BCAR3: variants seen among roughly 807,000 people sequenced by gnomAD.
BCAR3 encodes breast cancer anti-estrogen resistance protein 3.
BCAR3 carries 37 observed loss-of-function variants against 80.1 expected under a neutral mutation model. The observed-to-expected ratio is 0.46, with a 90% confidence interval of 0.36 to 0.61. BCAR3 has a LOEUF of 0.61. Ranked by LOEUF, BCAR3 falls within the 20% of genes least tolerant of loss-of-function variation. The pLI is 0.00. For missense variants in BCAR3, 978 were observed against 1,068.2 expected (o/e 0.92, Z 1.18); for synonymous variants, 389 against 418.9 (o/e 0.93, Z 0.87).
At chr1:93,821,506 C>T (rs1313118230) in intron 2 of BCAR3, among the ~76,000 whole-genome samples, 1 of 152,132 alleles carries the variant, frequency 6.6e-6, no homozygotes, top group Non-Finnish European at 1.5e-5. Context: ...ACCGTAGCCC[C>T]AAAGACTACA....
chr1:93,568,029 T>A, intron 9 of BCAR3, 178 bp from the exon 10 acceptor site: 1 of 497,848 alleles, frequency 2.0e-6, no homozygotes, highest in Non-Finnish European at 3.7e-6. Context: ...TCTACTCAAA[T>A]ACAAAAATTA....
chr1:93,821,826 T>C (rs1454692469), intron 2 of BCAR3, among the ~76,000 whole-genome samples: 2 of 152,186 alleles, frequency 1.3e-5, no homozygotes, highest in Non-Finnish European at 2.9e-5. Context: ...ATTATGCCCA[T>C]TTCACAGAAG....
At chr1:93,781,406 C>A (rs2100758881) in intron 2 of BCAR3, among the ~76,000 whole-genome samples, 2 of 152,240 alleles carry the variant, frequency 1.3e-5, no homozygotes, top group Middle Eastern at 6.8e-3. Flanking sequence ...CATAAAGGAA[C>A]CGGGCAGCGG....
At chr1:93,766,624 C>T (rs754711887) in intron 2 of BCAR3, among the ~76,000 whole-genome samples, 15 of 152,274 alleles carry the variant, frequency 9.9e-5, no homozygotes, top group Non-Finnish European at 1.8e-4. Flanking sequence ...TGCCCGTCCA[C>T]ATTCCTGATG....
chr1:93,615,746 G>C (rs1385045117), intron 3 of BCAR3, among the ~76,000 whole-genome samples: 1 of 152,168 alleles, frequency 6.6e-6, no homozygotes, highest in African/African-American at 2.4e-5. Context: ...TGAGCAGCCA[G>C]GCCCAGGCCC....
chr1:93,834,994 GC>G (rs1255585820), intron 2 of BCAR3, among the ~76,000 whole-genome samples: 1 of 151,890 alleles, frequency 6.6e-6, no homozygotes, highest in East Asian at 1.9e-4. Context: ...AGGCCTAATT[GC>G]CATTCACCAG....
chr1:93,726,066 T>G (rs996250044), intron 2 of BCAR3, among the ~76,000 whole-genome samples: 1 of 152,044 alleles, frequency 6.6e-6, no homozygotes, highest in African/African-American at 2.4e-5. Flanking sequence ...TTAGCTTTTT[T>G]TTTTGTTTTT....
At chr1:93,615,062 C>A (rs1312708954) in intron 3 of BCAR3, among the ~76,000 whole-genome samples, 1 of 149,038 alleles carries the variant, frequency 6.7e-6, no homozygotes, top group Non-Finnish European at 1.5e-5. Flanking sequence ...CTCTTCCTCT[C>A]CTATCCTACC....
intron 2 of BCAR3, among the ~76,000 whole-genome samples, chr1:93,773,561 G>A (rs1321778134): frequency 6.6e-6 from 1 of 152,148 alleles, no homozygotes; most frequent in Non-Finnish European, 1.5e-5. Flanking sequence ...ATAGCCCCAT[G>A]AAACCTGGTG....
chr1:93,617,542 C>T (rs571580075), intron 3 of BCAR3, among the ~76,000 whole-genome samples: 6 of 152,172 alleles, frequency 3.9e-5, no homozygotes, highest in East Asian at 1.9e-4. Flanking sequence ...AAAGGGACAT[C>T]GGTCAGGGGT....
At chr1:93,814,948 T>C (rs1653965239) in intron 2 of BCAR3, among the ~76,000 whole-genome samples, 1 of 152,230 alleles carries the variant, frequency 6.6e-6, no homozygotes, top group African/African-American at 2.4e-5. Flanking sequence ...CCTCAGAAGC[T>C]TAGGTGCACC....
chr1:93,574,246 T>C (rs995694125), intron 8 of BCAR3, among the ~76,000 whole-genome samples: 1 of 152,172 alleles, frequency 6.6e-6, no homozygotes, highest in Non-Finnish European at 1.5e-5. Flanking sequence ...CACTCAGATG[T>C]CACATGAAGG....
intron 2 of BCAR3, among the ~76,000 whole-genome samples, chr1:93,828,257 T>C (rs967217503): frequency 6.6e-6 from 1 of 152,160 alleles, no homozygotes; most frequent in Non-Finnish European, 1.5e-5. Flanking sequence ...TGGGCTGTGA[T>C]TGCAACCACT....
intron 2 of BCAR3, among the ~76,000 whole-genome samples, chr1:93,787,137 T>C (rs1652975513): frequency 6.6e-6 from 1 of 152,242 alleles, no homozygotes; most frequent in African/African-American, 2.4e-5. Context: ...TAGTTTAACA[T>C]TTAAGCAGTC....
At chr1:93,659,489 G>A (rs774425825) in intron 2 of BCAR3, among the ~76,000 whole-genome samples, 1 of 152,014 alleles carries the variant, frequency 6.6e-6, no homozygotes, top group Non-Finnish European at 1.5e-5. Context: ...CACCATGCCT[G>A]GCCAGCAACC....
chr1:93,723,931 T>G (rs1456430118), intron 2 of BCAR3, among the ~76,000 whole-genome samples: 1 of 152,150 alleles, frequency 6.6e-6, no homozygotes. Flanking sequence ...TACAAGGAGA[T>G]GTCGAATTCC....
At chr1:93,630,259 T>C (rs1049059082) in intron 3 of BCAR3, among the ~76,000 whole-genome samples, 1 of 152,172 alleles carries the variant, frequency 6.6e-6, no homozygotes, top group Non-Finnish European at 1.5e-5. Context: ...GTGTGGGTGC[T>C]CACTCACTAA....
At chr1:93,817,215 CT>C (rs1437373141) in intron 2 of BCAR3, among the ~76,000 whole-genome samples, 2 of 152,212 alleles carry the variant, frequency 1.3e-5, no homozygotes, top group Non-Finnish European at 2.9e-5. Flanking sequence ...TGAGCAGGCA[CT>C]TTTAAGTATG....
chr1:93,651,563 G>C (rs1292651530), intron 2 of BCAR3, among the ~76,000 whole-genome samples: 4 of 152,192 alleles, frequency 2.6e-5, no homozygotes, highest in Non-Finnish European at 5.9e-5. Flanking sequence ...TCAACTTACA[G>C]ACCACAAAAC....
Sources: gnomAD v4.1 joint callset for allele counts (sites outside exome capture counted in the v4.1 genomes callset) on GRCh38, gnomAD v4.1.1 for gene constraint, MANE v1.5 for transcripts, NCBI Gene and HGNC (gene_info 2026-07-23, HGNC 2026-07-21) for gene names.